The following SNX25 variants were observed in gnomAD, a reference collection of about 807,000 sequenced individuals.
SNX25 encodes sorting nexin-25.
SNX25 carries 62 observed loss-of-function variants against 113.7 expected under a neutral mutation model. That is an observed-to-expected ratio of 0.55 (90% CI 0.44 to 0.67). SNX25 has a LOEUF of 0.67. SNX25 is among the 30% of genes least tolerant of loss of function. The pLI, the probability that SNX25 is intolerant of heterozygous loss-of-function variation, is 0.00. For missense variants in SNX25, 1,014 were observed against 1,161.0 expected (o/e 0.87, Z 1.84); for synonymous variants, 421 against 436.2 (o/e 0.97, Z 0.43).
At chr4:185,342,299 G>A (rs983776631) in intron 12 of SNX25, among the ~76,000 whole-genome samples, 183 bp downstream of exon 12, 14 of 152,160 alleles carry the variant, frequency 9.2e-5, no homozygotes, top group African/African-American at 3.4e-4. Context: ...AAGTCCATCA[G>A]GACAGATAAC....
chr4:185,210,249 G>T lies in SNX25; in HGVS notation c.423G>T (p.Pro141=). 1 of 984,970 alleles carries T rather than the reference G, an allele frequency of 1.0e-6. No homozygotes were observed. The highest frequency in any genetic ancestry group is 1.2e-6 in the Non-Finnish European group (1 of 830,086). 61.0% of individuals were successfully genotyped at this position (984,970 alleles called of 1,614,324 possible). ...RLAATSAARR[P]PGSPVYGNSH... The stretch of plus-strand genomic sequence containing the variant: ...CCGCGACCTCAGCCGCCCGCCGCCC[G>T]CCGGGGGTAAGTACCCGACTCCTGG... Residue 141 remains proline, a synonymous_variant, in exon 1 of 19, where the codon CCG becomes CCT. Coordinates refer to ENST00000652585, the MANE Select transcript of SNX25 (RefSeq NM_001378034.2). The surrounding 1 kb of genome is among the most constrained non-coding windows in gnomAD (Gnocchi z 4.4).
intron 4 of SNX25, among the ~76,000 whole-genome samples, chr4:185,265,148 T>A (rs1371428244): frequency 6.6e-6 from 1 of 152,172 alleles, no homozygotes; most frequent in Non-Finnish European, 1.5e-5. Context: ...AAATTCTGAT[T>A]AGCATATTTA....
At chr4:185,375,518 A>ATATATATATATATG in the SNX25 span, 3 of 126,922 alleles carry the variant, frequency 2.4e-5, no homozygotes, top group African/African-American at 9.9e-5. Context: ...ATATATATGT[A>ATATATATATATATG]TATATATATG....
At chr4:185,341,203 G>T (rs1383999128) in intron 11 of SNX25, among the ~76,000 whole-genome samples, 1 of 152,248 alleles carries the variant, frequency 6.6e-6, no homozygotes, top group Non-Finnish European at 1.5e-5. Flanking sequence ...CTGGATTAGT[G>T]TGTGTGTATG....
At chr4:185,356,978 C>T (rs894778837) in intron 15 of SNX25, among the ~76,000 whole-genome samples, 6 of 152,202 alleles carry the variant, frequency 3.9e-5, no homozygotes, top group Admixed American at 1.3e-4. Flanking sequence ...TAGAACCCTT[C>T]ACAGTCTTTC....
chr4:185,312,326 C>T (rs2095037256), intron 7 of SNX25, among the ~76,000 whole-genome samples: 1 of 151,996 alleles, frequency 6.6e-6, no homozygotes, highest in South Asian at 2.1e-4. Context: ...GAGATAAATA[C>T]CTAGGAGAAG....
chr4:185,361,948 G>A lies in SNX25; in HGVS notation c.2676G>A (p.Trp892Ter). The A allele has an allele frequency of 1.2e-6, 2 of 1,614,004 alleles. No homozygotes were observed. Among genetic ancestry groups the A allele is most frequent in the Middle Eastern group, 1.6e-4 (1 of 6,062 alleles). ...INKQIRDTVS[W>*]IFSEQMLVYY... ...GACAAATCCGGGACACAGTCAGCTG[G>A]ATTTTCAGTGAGCAAATGTTGGTTT... The change falls in exon 17 of 19, where the codon TGG (tryptophan) becomes TGA (stop). Residue 892 changes from tryptophan (W) to a stop codon, truncating the protein, a stop_gained. Transcript: ENST00000652585. LOFTEE classifies it high-confidence loss of function.
Position 185,210,324 on chromosome 4 carries a change from C to T in SNX25, c.429+69C>T. On this transcript the variant is annotated intron_variant, in intron 1 of 18. Transcript: ENST00000652585. This position sits in a 1 kb window ranked among gnomAD's most constrained non-coding sequence, Gnocchi z 4.4. Reference sequence around the variant, plus strand: ...CGCTTCCGGTGCCAGCTCCCGCGCCCCGAGCTCCGGGGGGCCGCGGCATGC... The same window carrying T: ...CGCTTCCGGTGCCAGCTCCCGCGCCTCGAGCTCCGGGGGGCCGCGGCATGC... The T allele has an allele frequency of 1.0e-6, 1 of 984,426 alleles. No homozygotes were observed. Among genetic ancestry groups the T allele is most frequent in the Non-Finnish European group, 1.2e-6 (1 of 829,616 alleles). 61.0% of individuals were successfully genotyped at this position (984,426 alleles called of 1,614,324 possible). A position where few individuals can be genotyped will look rare whatever the true frequency, so the allele number is the denominator to read the frequency against.
At chr4:185,336,330 C>T (rs947392470) in intron 10 of SNX25, among the ~76,000 whole-genome samples, 4 of 152,150 alleles carry the variant, frequency 2.6e-5, no homozygotes, top group South Asian at 2.1e-4. Context: ...CCCCGCCAAC[C>T]CTTTCCCAAG....
chr4:185,257,315 A>G (rs1403222542), intron 2 of SNX25, among the ~76,000 whole-genome samples: 1 of 152,114 alleles, frequency 6.6e-6, no homozygotes, highest in African/African-American at 2.4e-5. Context: ...AAGCCCACTA[A>G]TATTTTATTT....
chr4:185,367,592 A>T (rs2095394097), downstream of SNX25, among the ~76,000 whole-genome samples: 2 of 152,330 alleles, frequency 1.3e-5, no homozygotes, highest in South Asian at 4.1e-4. Context: ...TCATTATGTG[A>T]ATAACAGCAT....
intron 6 of SNX25, among the ~76,000 whole-genome samples, chr4:185,306,371 C>T (rs1486843644): frequency 6.6e-6 from 1 of 152,216 alleles, no homozygotes; most frequent in Non-Finnish European, 1.5e-5. Flanking sequence ...CATTGTATGG[C>T]CCATTATCAA....
chr4:185,262,957 A>G (rs954203058), intron 3 of SNX25, among the ~76,000 whole-genome samples: 1 of 152,200 alleles, frequency 6.6e-6, no homozygotes, highest in Admixed American at 6.5e-5. Flanking sequence ...TTTCTAGAGG[A>G]CATCATAGGA....
rs1737478064 is a variant in SNX25 at position 185,209,988 on chromosome 4, C to T, written c.162C>T (p.Gly54=). 11 of 983,490 alleles carry T rather than the reference C, an allele frequency of 1.1e-5. 1 individual carries two copies. In the South Asian group the frequency reaches 4.6e-4, roughly 41 times the overall value. The allele number at this position is 983,490 out of a possible 1,614,324, so 60.9% of individuals were successfully genotyped here. A position where few individuals can be genotyped will look rare whatever the true frequency, so the allele number is the denominator to read the frequency against. Residue 54 remains glycine (G), a synonymous_variant, in exon 1 of 19, where the codon GGC becomes GGT. Coordinates refer to ENST00000652585, the MANE Select transcript of SNX25 (RefSeq NM_001378034.2). This position sits in a 1 kb window ranked among gnomAD's most constrained non-coding sequence, Gnocchi z 5.2. ...CGGCGGCGCCGGGGGCCCCGGGCGGCCGGAGCTGGTGGAAGCCCGTGGCGG... is the reference window on the plus strand; with the variant it reads ...CGGCGGCGCCGGGGGCCCCGGGCGGTCGGAGCTGGTGGAAGCCCGTGGCGG... The part of the protein sequence containing the change: ...AAAAAPGAPG[G]RSWWKPVAVA...
At chr4:185,359,522 G>A (rs1386992006) in intron 16 of SNX25, among the ~76,000 whole-genome samples, 4 of 151,930 alleles carry the variant, frequency 2.6e-5, no homozygotes, top group South Asian at 2.1e-4. Flanking sequence ...GGCCAGGCGC[G>A]GTGGCTCACG....
intron 1 of SNX25, among the ~76,000 whole-genome samples, chr4:185,245,735 C>T (rs1307692131): frequency 6.6e-6 from 1 of 152,208 alleles, no homozygotes; most frequent in Non-Finnish European, 1.5e-5. Flanking sequence ...GAGGAAACCA[C>T]TTTTAAAAGT....
chr4:185,266,785 G>A (rs564539146), intron 4 of SNX25, among the ~76,000 whole-genome samples, 184 bp from the exon 5 acceptor site: 15 of 152,176 alleles, frequency 9.9e-5, no homozygotes, highest in Non-Finnish European at 2.2e-4. Context: ...CATATTTGGA[G>A]GGATAGGCAG....
At position 185,209,825 on chromosome 4, in the gene SNX25, G is replaced by A; in HGVS notation, c.-2G>A. ...CCTGTCCTTAGCGGCCCAGGAAGCAGCATGCACCCCGATGCGACCGACAGT... is the reference window on the plus strand; with the variant it reads ...CCTGTCCTTAGCGGCCCAGGAAGCAACATGCACCCCGATGCGACCGACAGT... On this transcript the variant is annotated 5_prime_UTR_variant, in exon 1 of 19. Transcript: ENST00000652585. This position sits in a 1 kb window ranked among gnomAD's most constrained non-coding sequence, Gnocchi z 5.2. 14 of 983,782 alleles carry A rather than the reference G, an allele frequency of 1.4e-5. No homozygotes were observed. The highest frequency in any genetic ancestry group is 1.7e-5 in the Non-Finnish European group (14 of 829,336). The allele number at this position is 983,782 out of a possible 1,614,324, so 60.9% of individuals were successfully genotyped here.
chr4:185,247,232 T>A, intron 1 of SNX25, 62 bp from the exon 2 acceptor site: 1 of 1,110,794 alleles, frequency 9.0e-7, no homozygotes, highest in Non-Finnish European at 1.3e-6. Context: ...CCTTTGATTT[T>A]TTTTTTTTAT....
Sources: gnomAD v4.1 joint callset for allele counts (sites outside exome capture counted in the v4.1 genomes callset) on GRCh38, gnomAD v4.1.1 for gene constraint, Gnocchi (gnomAD v3.1) non-coding constraint, MANE v1.5 for transcripts, NCBI Gene and HGNC (gene_info 2026-07-23, HGNC 2026-07-21) for gene names.